The following KLHL2 variants were observed in gnomAD, a reference collection of about 807,000 sequenced individuals.
The protein encoded by KLHL2 is kelch like family member 2.
Under a neutral mutation model 75.8 loss-of-function variants are expected in KLHL2, and 15 were observed. That is an observed-to-expected ratio of 0.20 (90% CI 0.13 to 0.30). The LOEUF (loss-of-function observed/expected upper bound fraction) is 0.30. Among genes scored for constraint, KLHL2 ranks in the 10% least tolerant of loss-of-function variants. The pLI, the probability that KLHL2 is intolerant of heterozygous loss-of-function variation, is 1.00. For synonymous variants in KLHL2, 214 were observed against 251.9 expected, an observed-to-expected ratio of 0.85 and a Z score of 1.42; for missense variants, 381 against 741.0, an observed-to-expected ratio of 0.51 and a Z score of 5.64.
intron 4 of KLHL2, among the ~76,000 whole-genome samples, chr4:165,246,849 T>C (rs982253134): frequency 3.9e-5 from 6 of 152,148 alleles, no homozygotes; most frequent in African/African-American, 1.2e-4. Context: ...ATTTGGTGTA[T>C]TGGTGGCATA....
In KLHL2 at chr4:165,263,270, A is replaced by G; in HGVS notation, c.455A>G (p.Gln152Arg). ...KKTCCEFLES[Q>R]LHPVNCLGIR... ...ACTTGTTGTGAATTTTTGGAATCCC[A>G]GCTTCACCCTGTCAACTGCTTAGGA... is the stretch of plus-strand genomic sequence containing the variant. The change falls in exon 5 of 15, where the codon CAG becomes CGG. Residue 152 changes from glutamine (Q) to arginine (R), a missense_variant. By Grantham distance (43) the Gln-to-Arg change is conservative. Around this residue, in one of 5 missense-constraint regions of KLHL2, gnomAD observed 51 missense variants for 101.3 expected, o/e 0.50. Coordinates refer to ENST00000226725, the MANE Select transcript of KLHL2 (RefSeq NM_007246.4). 6.2e-7 allele frequency: 1 copy of G among 1,614,100 alleles called. No homozygotes were observed. The highest frequency in any genetic ancestry group is 8.5e-7 in the Non-Finnish European group (1 of 1,179,968).
At chr4:165,264,740 G>GTATA (rs1216985793) in intron 5 of KLHL2, among the ~76,000 whole-genome samples, 1 of 75,750 alleles carries the variant, frequency 1.3e-5, no homozygotes, top group African/African-American at 4.9e-5. Flanking sequence ...ATATATATAT[G>GTATA]TATATATATA....
intron 3 of KLHL2, among the ~76,000 whole-genome samples, chr4:165,229,991 TGAA>T (rs1434427181): frequency 2.6e-5 from 4 of 152,268 alleles, no homozygotes; most frequent in African/African-American, 9.6e-5. Flanking sequence ...TAATCAGGAA[TGAA>T]GAAGGATAGC....
chr4:165,268,539 C>A (rs2126319381), intron 5 of KLHL2, among the ~76,000 whole-genome samples: 1 of 152,282 alleles, frequency 6.6e-6, no homozygotes, highest in East Asian at 1.9e-4. Context: ...CTTCAAAGAA[C>A]ATCTTTATTT....
intron 5 of KLHL2, among the ~76,000 whole-genome samples, chr4:165,268,202 T>C (rs888452695): frequency 3.3e-5 from 5 of 152,210 alleles, no homozygotes; most frequent in African/African-American, 1.2e-4. Flanking sequence ...TTCTTCTCTC[T>C]TTTCTTCTTT....
chr4:165,240,381 G>A (rs1208202336), intron 4 of KLHL2: 1 of 152,168 alleles, frequency 6.6e-6, no homozygotes, highest in Admixed American at 6.5e-5. Flanking sequence ...ATTGTTCCAT[G>A]TGAAATACTG....
Position 165,313,322 on chromosome 4 carries a change from A to G in KLHL2, c.1424A>G (p.Glu475Gly). The change falls in exon 12 of 15, where the codon GAG (glutamate) becomes GGG (glycine). Residue 475 changes from glutamate (E) to glycine (G), a missense_variant. Physicochemically the swap from Glu to Gly is moderately conservative, Grantham distance 98 (BLOSUM62 -2). Around this residue, in one of 5 missense-constraint regions of KLHL2, gnomAD observed 168 missense variants for 370.4 expected, o/e 0.45. Transcript: ENST00000226725. ...TVECYNATTN[E>G]WTYIAEMSTR... ...GAATGCTATAATGCTACAACAAATG[A>G]GTGGACCTATATAGCAGAAATGAGC... The G allele has an allele frequency of 6.3e-7, 1 of 1,586,236 alleles. No individual in the cohort carries two copies. Among genetic ancestry groups the G allele is most frequent in the Non-Finnish European group, 8.6e-7 (1 of 1,169,500 alleles).
chr4:165,216,466 T>C (rs187476880), intron 1 of KLHL2, among the ~76,000 whole-genome samples: 1 of 152,292 alleles, frequency 6.6e-6, no homozygotes, highest in African/African-American at 2.4e-5. Flanking sequence ...TGGAAAAATA[T>C]CTTCTTCAGG....
chr4:165,297,728 A>G lies in KLHL2; in HGVS notation c.771+3A>G. On this transcript the variant is annotated splice_donor_region_variant and intron_variant, in intron 7 of 14. Coordinates refer to ENST00000226725, the MANE Select transcript of KLHL2 (RefSeq NM_007246.4). ...TTCCTCGGGAATATTTAGTTCAGGT[A>G]AATGCATATGCAAAACATATGAATC... 6.5e-7 allele frequency: 1 copy of G among 1,542,182 alleles called. No individual in the cohort carries two copies. Among genetic ancestry groups the G allele is most frequent in the Non-Finnish European group, 9.0e-7 (1 of 1,114,276 alleles).
intron 5 of KLHL2, among the ~76,000 whole-genome samples, chr4:165,285,659 G>A (rs1209026965): frequency 3.9e-5 from 6 of 152,064 alleles, no homozygotes; most frequent in Admixed American, 6.5e-5. Flanking sequence ...CACCTGCCTC[G>A]GCCTCCCAAA....
chr4:165,292,525 G>T (rs1359503713), intron 5 of KLHL2, among the ~76,000 whole-genome samples: 1 of 151,828 alleles, frequency 6.6e-6, no homozygotes, highest in Non-Finnish European at 1.5e-5. Flanking sequence ...TAGAGACGGG[G>T]TTTCGCCATA....
chr4:165,321,735 T>C (rs1470435547), intron 14 of KLHL2, among the ~76,000 whole-genome samples: 1 of 152,208 alleles, frequency 6.6e-6, no homozygotes, highest in African/African-American at 2.4e-5. Flanking sequence ...AACATATCCA[T>C]CATGCTCAAA....
intron 4 of KLHL2, 75 bp from the exon 5 acceptor site, chr4:165,263,122 G>T: frequency 7.3e-7 from 1 of 1,371,642 alleles, no homozygotes; most frequent in Non-Finnish European, 1.0e-6. Flanking sequence ...AACATCTTGT[G>T]TCCTATGTAG....
chr4:165,211,236 T>C (rs753109987), intron 1 of KLHL2, among the ~76,000 whole-genome samples: 1 of 152,222 alleles, frequency 6.6e-6, no homozygotes, highest in Non-Finnish European at 1.5e-5. Context: ...AGTAAAAGAA[T>C]TATTTATGAA....
intron 4 of KLHL2, among the ~76,000 whole-genome samples, chr4:165,246,982 T>A (rs1740313602): frequency 1.3e-5 from 2 of 152,068 alleles, no homozygotes; most frequent in Non-Finnish European, 1.5e-5. Flanking sequence ...ACTGGTGATG[T>A]AGGAGGAAAA....
intron 5 of KLHL2, among the ~76,000 whole-genome samples, chr4:165,264,711 T>TATATATATAC (rs1401554604): frequency 1.2e-5 from 1 of 81,256 alleles, no homozygotes; most frequent in Non-Finnish European, 2.3e-5. Flanking sequence ...TGTGTATATA[T>TATATATATAC]ATATATATAC....
At chr4:165,277,614 A>G in intron 5 of KLHL2, among the ~76,000 whole-genome samples, 1 of 152,210 alleles carries the variant, frequency 6.6e-6, no homozygotes. Context: ...GTGTTTGAGT[A>G]TGTTTGATGG....
At chr4:165,218,847 A>G (rs1251659070) in intron 1 of KLHL2, among the ~76,000 whole-genome samples, 10 of 152,248 alleles carry the variant, frequency 6.6e-5, no homozygotes, top group African/African-American at 2.4e-4. Flanking sequence ...TTTGATATAT[A>G]TACAAGTATG....
chr4:165,250,252 A>AC (rs1740598190), intron 4 of KLHL2, among the ~76,000 whole-genome samples: 1 of 152,214 alleles, frequency 6.6e-6, no homozygotes, highest in African/African-American at 2.4e-5. Context: ...TGAGTGGATG[A>AC]CCATGCTTCA....
Sources: gnomAD v4.1 joint callset for allele counts (sites outside exome capture counted in the v4.1 genomes callset) on GRCh38, gnomAD v4.1.1 for gene constraint, gnomAD v4.1.1 regional missense constraint, MANE v1.5 for transcripts, NCBI Gene and HGNC (gene_info 2026-07-23, HGNC 2026-07-21) for gene names.